Variants in IPO13 observed in about 807,000 individuals in gnomAD.
IPO13 encodes importin 13.
Under a neutral mutation model 115.5 loss-of-function variants are expected in IPO13, and 28 were observed. That is an observed-to-expected ratio of 0.24 (90% CI 0.18 to 0.33). The LOEUF (loss-of-function observed/expected upper bound fraction) is 0.33. Ranked by LOEUF, IPO13 falls within the 10% of genes least tolerant of loss-of-function variation. IPO13 has a pLI of 1.00. For synonymous variants in IPO13, 414 were observed against 478.9 expected, an observed-to-expected ratio of 0.86 and a Z score of 1.77; for missense variants, 785 against 1,204.6, an observed-to-expected ratio of 0.65 and a Z score of 5.16.
intron 5 of IPO13, 28 bp from the exon 6 acceptor site, chr1:43,957,167 G>C: frequency 6.2e-7 from 1 of 1,610,870 alleles, no homozygotes; most frequent in African/African-American, 1.3e-5. Context: ...GATCCAGGCA[G>C]TATAAAAGGC....
chr1:43,967,416 G>A lies in IPO13; in HGVS notation c.2715G>A (p.Lys905=), dbSNP rs2085333340. ...TCAGCCTCCTGAGCATGTGGATCAA[G>A]GAGGCCCTGCAGCCACCTGGTTTCC... is the stretch of plus-strand genomic sequence containing the variant. ...HCFSLLSMWI[K]EALQPPGFPS... The change falls in exon 19 of 20, where the codon AAG becomes AAA. Residue 905 remains lysine (K), a synonymous_variant. Coordinates refer to ENST00000372343, the MANE Select transcript of IPO13 (RefSeq NM_014652.4). This position sits in a 1 kb window ranked among gnomAD's most constrained non-coding sequence, Gnocchi z 6.1. The A allele has an allele frequency of 6.2e-7, 1 of 1,614,126 alleles. No homozygotes were observed. The highest frequency in any genetic ancestry group is 8.5e-7 in the Non-Finnish European group (1 of 1,180,008).
chr1:43,967,236 A>G lies in IPO13; in HGVS notation c.2614-79A>G. ...GTGCAGTTTGGCTTAGGAACTGTCCAGAGGGCAGTTAGGCATTCTTGCTGC... is the reference window on the plus strand; with the variant it reads ...GTGCAGTTTGGCTTAGGAACTGTCCGGAGGGCAGTTAGGCATTCTTGCTGC... On this transcript the variant is annotated intron_variant, in intron 18 of 19. Coordinates refer to ENST00000372343, the MANE Select transcript of IPO13 (RefSeq NM_014652.4). This position sits in a 1 kb window ranked among gnomAD's most constrained non-coding sequence, Gnocchi z 6.1. The G allele has an allele frequency of 6.8e-7, 1 of 1,464,808 alleles. No homozygotes were observed. The allele number at this position is 1,464,808 out of a possible 1,614,324, so 90.7% of individuals were successfully genotyped here. A position where few individuals can be genotyped will look rare whatever the true frequency, so the allele number is the denominator to read the frequency against.
At chr1:43,963,098 G>A (rs546547093) in intron 14 of IPO13, among the ~76,000 whole-genome samples, 18 of 152,348 alleles carry the variant, frequency 1.2e-4, no homozygotes, top group African/African-American at 4.3e-4. Flanking sequence ...CAAAGGGACA[G>A]ACTTTATTGG....
Position 43,958,150 on chromosome 1 carries a change from G to A in IPO13, c.1714G>A (p.Val572Met). 1 of 1,614,208 alleles carries A rather than the reference G, an allele frequency of 6.2e-7. No homozygotes were observed. Among genetic ancestry groups the A allele is most frequent in the Non-Finnish European group, 8.5e-7 (1 of 1,180,040 alleles). The change falls in exon 8 of 20, where the codon GTG becomes ATG. Residue 572 changes from valine (V) to methionine (M), a missense_variant. Physicochemically the swap from Val to Met is conservative, Grantham distance 21. This residue lies in a region of IPO13 where 175 missense variants were observed against 360.0 expected (regional missense o/e 0.49). Coordinates refer to ENST00000372343, the MANE Select transcript of IPO13 (RefSeq NM_014652.4). The surrounding 1 kb of genome is among the most constrained non-coding windows in gnomAD (Gnocchi z 6.3). ...TCCCTATGCTGCCAACATTGTGGCT[G>A]TGTCCCAGGTATGCAGGGGCCCTGG... is the stretch of plus-strand genomic sequence containing the variant. ...LPPYAANIVA[V>M]SQDVLMKQIH...
rs1279185311 is a variant in IPO13 at position 43,947,144 on chromosome 1, C to G, written c.-457C>G. 5 of 398,824 alleles carry G rather than the reference C, an allele frequency of 1.3e-5. No homozygotes were observed. Among genetic ancestry groups the G allele is most frequent in the Non-Finnish European group, 4.4e-6 (1 of 226,316 alleles). The allele number at this position is 398,824 out of a possible 1,614,324, so 24.7% of individuals were successfully genotyped here. A position where few individuals can be genotyped will look rare whatever the true frequency, so the allele number is the denominator to read the frequency against. ...CCTCCGTAACCACGAAGGGCTCTCT[C>G]TCTCCCGTGACCCTCCAGCCCCATG... On this transcript the variant is annotated 5_prime_UTR_variant, in exon 1 of 20. Coordinates refer to ENST00000372343, the MANE Select transcript of IPO13 (RefSeq NM_014652.4).
rs560677267 is a variant in IPO13, at chr1:43,966,302, C to T, written c.2398-273C>T. On this transcript the variant is annotated intron_variant, in intron 15 of 19. Transcript: ENST00000372343. This position sits in a 1 kb window ranked among gnomAD's most constrained non-coding sequence, Gnocchi z 4.1. ...GAGGGGGAGGGAAAGGTGTCTGGAA[C>T]CCAAACTTTCTGCATTATGATCCCC... 80 of 554,976 alleles carry T rather than the reference C, an allele frequency of 1.4e-4. No individual in the cohort carries two copies. In the South Asian group the frequency reaches 1.6e-3, roughly 11 times the overall value. The allele number at this position is 554,976 out of a possible 1,614,324, so 34.4% of individuals were successfully genotyped here.
chr1:43,964,221 T>G (rs2085307638), intron 14 of IPO13, 48 bp from the exon 15 acceptor site: 1 of 1,315,950 alleles, frequency 7.6e-7, no homozygotes, highest in Non-Finnish European at 1.1e-6. Context: ...GAGGTTGAGT[T>G]GCTGTTTGTA....
At chr1:43,954,907 A>G (rs2085233787) in intron 2 of IPO13, among the ~76,000 whole-genome samples, 1 of 152,190 alleles carries the variant, frequency 6.6e-6, no homozygotes, top group African/African-American at 2.4e-5. Context: ...TTCTGCCTGC[A>G]TAACCTATCA....
rs756272759 is a variant in IPO13 at position 43,957,568 on chromosome 1, C to G, written c.1540+19C>G. ...ACCATTGGTGAGACCTGGCACACAC[C>G]CATGACCATATTCCCAGAGCCACAG... On this transcript the variant is annotated intron_variant, in intron 7 of 19. Transcript: ENST00000372343. 2 of 1,613,444 alleles carry G rather than the reference C, an allele frequency of 1.2e-6. No homozygotes were observed. Among genetic ancestry groups the G allele is most frequent in the Non-Finnish European group, 1.7e-6 (2 of 1,179,564 alleles).
chr1:43,964,183 G>C, intron 14 of IPO13, 86 bp from the exon 15 acceptor site: 1 of 883,238 alleles, frequency 1.1e-6, no homozygotes, highest in Non-Finnish European at 1.9e-6. Flanking sequence ...CTGTCTCCCT[G>C]CAGGCTCTCA....
chr1:43,957,863 C>T (rs2085261909), intron 7 of IPO13, 114 bp from the exon 8 acceptor site: 1 of 996,292 alleles, frequency 1.0e-6, no homozygotes, highest in African/African-American at 1.6e-5. Context: ...TGGGGCAGTA[C>T]TCTGTGCTGG....
Position 43,958,932 on chromosome 1 carries a change from TC to T in IPO13, c.2028+49del, listed in dbSNP as rs36054055. Reference sequence around the variant, plus strand: ...ACGGCAAAGACATTTGTCTTTGCCATCCCCCCAACCCCCACCTGTGGGAATG... The same window carrying T: ...ACGGCAAAGACATTTGTCTTTGCCATCCCCCAACCCCCACCTGTGGGAATG... On this transcript the variant is annotated intron_variant, in intron 11 of 19. Coordinates refer to ENST00000372343, the MANE Select transcript of IPO13 (RefSeq NM_014652.4). This position sits in a 1 kb window ranked among gnomAD's most constrained non-coding sequence, Gnocchi z 6.3. The T allele has an allele frequency of 5.7e-6, 9 of 1,587,368 alleles. No individual in the cohort carries two copies. Among genetic ancestry groups the T allele is most frequent in the African/African-American group, 1.3e-5 (1 of 74,404 alleles).
At position 43,961,055 on chromosome 1, in the gene IPO13, G is replaced by A. The variant is rs6697060; in HGVS notation, c.2247+42G>A. The A allele has an allele frequency of 6.3e-3, 10,179 of 1,612,372 alleles. 575 individuals carry two copies. In the African/African-American group the frequency reaches 0.12, roughly 19 times the overall value. ...GGGCAGAGATCCTGACCCTGGGTGG[G>A]GGTGGGTCAGATGGCTGCCGTGGCT... On this transcript the variant is annotated intron_variant, in intron 13 of 19. Coordinates refer to ENST00000372343, the MANE Select transcript of IPO13 (RefSeq NM_014652.4).
intron 13 of IPO13, 25 bp downstream of exon 13, chr1:43,961,038 A>T (rs2085286067): frequency 1.2e-6 from 2 of 1,613,132 alleles, no homozygotes; most frequent in East Asian, 4.5e-5. Context: ...TGGGGCAGAG[A>T]TCCTGACCCT....
Position 43,958,366 on chromosome 1 carries a change from T to G in IPO13, c.1750-95T>G. 5.6e-6 allele frequency: 9 copies of G among 1,608,102 alleles called. No homozygotes were observed. The highest frequency in any genetic ancestry group is 7.7e-6 in the Non-Finnish European group (9 of 1,175,312). ...TTGGCCTTCCCCTTCCTCTTATCCC[T>G]TATTCTCTGTTTTTCTTCTCCCAAG... On this transcript the variant is annotated intron_variant, in intron 9 of 19. Transcript: ENST00000372343. This position sits in a 1 kb window ranked among gnomAD's most constrained non-coding sequence, Gnocchi z 6.3.
Position 43,949,960 on chromosome 1 carries a change from C to G in IPO13, c.628C>G (p.Gln210Glu), listed in dbSNP as rs1189528420. The change falls in exon 2 of 20, where the codon CAG becomes GAG. Residue 210 changes from glutamine to glutamate, a missense_variant. Physicochemically the swap from Gln to Glu is conservative, Grantham distance 29. Coordinates refer to ENST00000372343, the MANE Select transcript of IPO13 (RefSeq NM_014652.4). Reference protein sequence around the residue: ...AVFPLLEQLLQQPSSPSCVRQ... With the variant: ...AVFPLLEQLLEQPSSPSCVRQ... ...CTTCCCGCTGCTGGAGCAGCTGCTA[C>G]AGCAGCCCAGCTCACCCAGCTGTGT... The G allele has an allele frequency of 6.2e-7, 1 of 1,610,320 alleles. No individual in the cohort carries two copies. Among genetic ancestry groups the G allele is most frequent in the Non-Finnish European group, 8.5e-7 (1 of 1,179,354 alleles).
chr1:43,949,252 G>GC, intron 1 of IPO13, 165 bp from the exon 2 acceptor site: 1 of 652,534 alleles, frequency 1.5e-6, no homozygotes. Context: ...CAAGATATCA[G>GC]CAGGACCCCA....
Position 43,961,248 on chromosome 1 carries a change from C to G in IPO13, c.2330C>G (p.Thr777Ser). ...CTGCTCGTCACCTCCGTCACACTCACTCTCTTCCAGCAAGGTAGGTCCTGA... is the reference window on the plus strand; with the variant it reads ...CTGCTCGTCACCTCCGTCACACTCAGTCTCTTCCAGCAAGGTAGGTCCTGA... ...LFLLVTSVTL[T>S]LFQQGPRDHP... Residue 777 changes from threonine to serine, a missense_variant, in exon 14 of 20, where the codon ACT becomes AGT. Transcript: ENST00000372343. 6.2e-7 allele frequency: 1 copy of G among 1,613,546 alleles called. No homozygotes were observed. The highest frequency in any genetic ancestry group is 8.5e-7 in the Non-Finnish European group (1 of 1,179,426).
At position 43,966,484 on chromosome 1, in the gene IPO13, G is replaced by A. The variant is rs1311128393; in HGVS notation, c.2398-91G>A. The A allele has an allele frequency of 7.5e-7, 1 of 1,329,208 alleles. No homozygotes were observed. Among genetic ancestry groups the A allele is most frequent in the South Asian group, 1.2e-5 (1 of 83,742 alleles). The allele number at this position is 1,329,208 out of a possible 1,614,324, so 82.3% of individuals were successfully genotyped here. ...GGTTTTGGCAGCCTCTACCTGTGAGGTGTGAAGTTGGGGGCTGGGGTGGCA... is the reference window on the plus strand; with the variant it reads ...GGTTTTGGCAGCCTCTACCTGTGAGATGTGAAGTTGGGGGCTGGGGTGGCA... On this transcript the variant is annotated intron_variant, in intron 15 of 19. Coordinates refer to ENST00000372343, the MANE Select transcript of IPO13 (RefSeq NM_014652.4). The surrounding 1 kb of genome is among the most constrained non-coding windows in gnomAD (Gnocchi z 4.1).
Sources: gnomAD v4.1 joint callset for allele counts (sites outside exome capture counted in the v4.1 genomes callset) on GRCh38, gnomAD v4.1.1 for gene constraint, gnomAD v4.1.1 regional missense constraint, Gnocchi (gnomAD v3.1) non-coding constraint, MANE v1.5 for transcripts, NCBI Gene and HGNC (gene_info 2026-07-23, HGNC 2026-07-21) for gene names.